The following GPR158 variants were observed in gnomAD, a reference collection of about 807,000 sequenced individuals.
The protein encoded by GPR158 is metabotropic glycine receptor.
Under a neutral mutation model 78.2 loss-of-function variants are expected in GPR158, and 30 were observed. The ratio of observed to expected loss-of-function variants is 0.38; its 90% CI spans 0.29 to 0.52. The LOEUF is 0.52. Among genes scored for constraint, GPR158 ranks in the 20% least tolerant of loss-of-function variants. GPR158 has a pLI of 0.83. For missense variants in GPR158, 1,463 were observed against 1,523.5 expected (o/e 0.96, Z 0.66); for synonymous variants, 581 against 591.1 (o/e 0.98, Z 0.25).
intron 2 of GPR158, among the ~76,000 whole-genome samples, chr10:25,343,059 T>C (rs2083020988): frequency 6.6e-6 from 1 of 151,952 alleles, no homozygotes; most frequent in African/African-American, 2.4e-5. Flanking sequence ...CTGATTAGAT[T>C]ATGAGCAAAC....
intron 2 of GPR158, among the ~76,000 whole-genome samples, chr10:25,251,403 T>C (rs939737051): frequency 4.6e-5 from 7 of 151,980 alleles, no homozygotes; most frequent in African/African-American, 1.7e-4. Context: ...AGTTTCTTCC[T>C]AGTCTCGATG....
chr10:25,393,150 T>G (rs968844395), intron 2 of GPR158, among the ~76,000 whole-genome samples: 6 of 152,196 alleles, frequency 3.9e-5, no homozygotes, highest in African/African-American at 1.4e-4. Context: ...TTTTAAACAT[T>G]CATTTTTTTA....
chr10:25,586,391 ATTTTTTTTTTTTTTT>A (rs71399977), intron 7 of GPR158, among the ~76,000 whole-genome samples: 1 of 70,868 alleles, frequency 1.4e-5, no homozygotes, highest in South Asian at 3.9e-4. Context: ...GTATGTGTGA[ATTTTTTTTTTTTTTT>A]TTTTTTTTTT....
At chr10:25,294,034 G>A (rs1049925801) in intron 2 of GPR158, among the ~76,000 whole-genome samples, 1 of 152,162 alleles carries the variant, frequency 6.6e-6, no homozygotes, top group Non-Finnish European at 1.5e-5. Context: ...CTGAGCCACT[G>A]CGCCCAACCG....
At chr10:25,538,290 A>T (rs1260644229) in intron 5 of GPR158, among the ~76,000 whole-genome samples, 2 of 151,944 alleles carry the variant, frequency 1.3e-5, no homozygotes, top group East Asian at 1.9e-4. Context: ...TCTTTTTTTT[A>T]AATTATACTT....
chr10:25,507,508 C>T (rs971693060), intron 5 of GPR158, among the ~76,000 whole-genome samples: 19 of 152,124 alleles, frequency 1.2e-4, no homozygotes, highest in African/African-American at 3.4e-4. Flanking sequence ...TTGTACAATT[C>T]GAGAAATCTA....
chr10:25,195,532 C>A (rs1249438090), intron 1 of GPR158, among the ~76,000 whole-genome samples: 2 of 152,128 alleles, frequency 1.3e-5, no homozygotes, highest in Admixed American at 6.5e-5. Flanking sequence ...TCAATCATTC[C>A]ATTTGTTAAA....
At chr10:25,257,033 CAG>C (rs1853897857) in intron 2 of GPR158, among the ~76,000 whole-genome samples, 1 of 152,136 alleles carries the variant, frequency 6.6e-6, no homozygotes, top group African/African-American at 2.4e-5. Flanking sequence ...GCTGCTGTAA[CAG>C]AATACCACAG....
At chr10:25,247,949 C>A (rs1479909329) in intron 2 of GPR158, among the ~76,000 whole-genome samples, 2 of 149,826 alleles carry the variant, frequency 1.3e-5, no homozygotes, top group African/African-American at 4.9e-5. Context: ...AAAAGTGTTC[C>A]TATTTCTCCA....
chr10:25,449,872 A>G (rs1277371821), intron 4 of GPR158, among the ~76,000 whole-genome samples: 1 of 152,142 alleles, frequency 6.6e-6, no homozygotes, highest in African/African-American at 2.4e-5. Flanking sequence ...ATTTATCCCA[A>G]TACACCCAGT....
intron 8 of GPR158, 123 bp downstream of exon 8, chr10:25,589,268 A>T: frequency 1.7e-6 from 1 of 594,924 alleles, no homozygotes; most frequent in Non-Finnish European, 2.7e-6. Flanking sequence ...TTATAAGTGG[A>T]CTAATTTCTT....
chr10:25,186,675 A>C (rs892288748), intron 1 of GPR158, among the ~76,000 whole-genome samples: 24 of 152,192 alleles, frequency 1.6e-4, no homozygotes, highest in African/African-American at 5.3e-4. Flanking sequence ...TAAACCAGGA[A>C]GAAGTTGAAT....
intron 5 of GPR158, among the ~76,000 whole-genome samples, chr10:25,547,512 T>C (rs1459831405): frequency 6.6e-6 from 1 of 152,176 alleles, no homozygotes; most frequent in African/African-American, 2.4e-5. Flanking sequence ...TTAAGCCTGT[T>C]CCTCCTTTCG....
chr10:25,249,675 G>A (rs1005704634), intron 2 of GPR158, among the ~76,000 whole-genome samples: 84 of 151,612 alleles, frequency 5.5e-4, no homozygotes, highest in African/African-American at 1.9e-3. Context: ...CTTGATCATG[G>A]TGGATAAGCT....
At chr10:25,357,480 A>G (rs1019900916) in intron 2 of GPR158, among the ~76,000 whole-genome samples, 7 of 152,210 alleles carry the variant, frequency 4.6e-5, no homozygotes, top group Middle Eastern at 3.4e-3. Context: ...AAGGTCCCCA[A>G]TGCTTTGTAC....
At chr10:25,433,444 C>G (rs1834940263) in intron 4 of GPR158, among the ~76,000 whole-genome samples, 1 of 152,002 alleles carries the variant, frequency 6.6e-6, no homozygotes, top group Non-Finnish European at 1.5e-5. Flanking sequence ...CTTGGCCCTG[C>G]TCTTTGGTGT....
rs140156311 is a variant in GPR158, at chr10:25,435,177, T to G, written c.1335+22704T>G. On this transcript the variant is annotated intron_variant, in intron 4 of 10. Coordinates refer to ENST00000376351, the MANE Select transcript of GPR158 (RefSeq NM_020752.3). ...GTTCTCAGGCATTGTTTATAAATGA[T>G]GAACAAAACAGGCATCCTCTGTGAT... Among the ~76,000 whole-genome samples, 241 of 152,292 alleles carry G rather than the reference T, an allele frequency of 1.6e-3. 1 individual carries two copies. Among genetic ancestry groups the G allele is most frequent in the African/African-American group, 5.5e-3 (228 of 41,568 alleles).
intron 2 of GPR158, among the ~76,000 whole-genome samples, chr10:25,239,476 C>T (rs1488384599): frequency 1.3e-5 from 2 of 151,994 alleles, no homozygotes; most frequent in Non-Finnish European, 2.9e-5. Flanking sequence ...GGCATGGTGG[C>T]AGGCACCTGT....
At chr10:25,192,320 C>T (rs1852783454) in intron 1 of GPR158, among the ~76,000 whole-genome samples, 1 of 152,196 alleles carries the variant, frequency 6.6e-6, no homozygotes, top group African/African-American at 2.4e-5. Context: ...CCAAATGGAA[C>T]TGTGAGTCAA....
Sources: gnomAD v4.1 joint callset for allele counts (sites outside exome capture counted in the v4.1 genomes callset) on GRCh38, gnomAD v4.1.1 for gene constraint, MANE v1.5 for transcripts, NCBI Gene and HGNC (gene_info 2026-07-23, HGNC 2026-07-21) for gene names.